The following COLEC12 variants were observed in gnomAD, a reference collection of about 807,000 sequenced individuals.
The protein encoded by COLEC12 is collectin-12.
COLEC12 carries 33 observed loss-of-function variants against 71.1 expected under a neutral mutation model. That is an observed-to-expected ratio of 0.46 (90% confidence interval 0.35 to 0.62). The LOEUF (loss-of-function observed/expected upper bound fraction) is 0.62, where lower values mean the gene tolerates loss of function less well. Among genes scored for constraint, COLEC12 ranks in the 20% least tolerant of loss-of-function variants. COLEC12 has a pLI of 0.00. For synonymous variants in COLEC12, 350 were observed against 353.0 expected (o/e 0.99, Z 0.10); for missense variants, 765 against 916.1 (o/e 0.84, Z 2.13).
chr18:326,661 C>G (rs577972), intron 8 of COLEC12, among the ~76,000 whole-genome samples: 43 of 152,294 alleles, frequency 2.8e-4, no homozygotes, highest in Admixed American at 7.8e-4. Context: ...ATAGTTTTGG[C>G]TTTTTTTTAA....
intron 5 of COLEC12, among the ~76,000 whole-genome samples, chr18:338,332 A>C (rs1201876740): frequency 6.6e-6 from 1 of 152,210 alleles, no homozygotes; most frequent in Non-Finnish European, 1.5e-5. Context: ...TATCAAATAC[A>C]TGCGCATCAT....
At chr18:485,119 T>C (rs1431761330) in intron 1 of COLEC12, among the ~76,000 whole-genome samples, 4 of 152,262 alleles carry the variant, frequency 2.6e-5, no homozygotes, top group Non-Finnish European at 5.9e-5. Context: ...TGTGCAATGC[T>C]ACATTCTGTC....
chr18:403,407 T>C (rs939222095), intron 2 of COLEC12, among the ~76,000 whole-genome samples: 1 of 152,210 alleles, frequency 6.6e-6, no homozygotes, highest in African/African-American at 2.4e-5. Flanking sequence ...AAGATTCTAA[T>C]GCCTAGAGTG....
intron 2 of COLEC12, among the ~76,000 whole-genome samples, chr18:430,263 G>A (rs9956314): frequency 0.18 from 28,056 of 151,812 alleles, 2,871 homozygotes; most frequent in Middle Eastern, 0.24. Flanking sequence ...GAACCTGGGA[G>A]GCAGAGGTTG....
chr18:397,736 C>A (rs1915600369), intron 2 of COLEC12, among the ~76,000 whole-genome samples: 1 of 152,150 alleles, frequency 6.6e-6, no homozygotes, highest in African/African-American at 2.4e-5. Context: ...TAGATAATAC[C>A]TCACTGATAA....
chr18:319,989 A>C lies in COLEC12; in HGVS notation c.*56T>G. ...TGAGAAGGTGATGCAATTAGAAAGG[A>C]GTGTCCTTTGCCTTTGAGAGCTGAA... On this transcript the variant is annotated 3_prime_UTR_variant, in exon 10 of 10. Transcript: ENST00000400256. 3.9e-6 allele frequency: 4 copies of C among 1,033,932 alleles called. No individual in the cohort carries two copies. Among genetic ancestry groups the C allele is most frequent in the East Asian group, 2.5e-5 (1 of 39,372 alleles). The allele number at this position is 1,033,932 out of a possible 1,614,324, so 64.0% of individuals were successfully genotyped here.
At chr18:442,758 G>A (rs774784761) in intron 2 of COLEC12, among the ~76,000 whole-genome samples, 15 of 152,326 alleles carry the variant, frequency 9.8e-5, no homozygotes, top group Non-Finnish European at 1.8e-4. Flanking sequence ...TAAGGAGATC[G>A]AGACCATCCT....
At chr18:447,047 T>A (rs539743535) in intron 2 of COLEC12, among the ~76,000 whole-genome samples, 1 of 152,364 alleles carries the variant, frequency 6.6e-6, no homozygotes, top group East Asian at 1.9e-4. Flanking sequence ...CTCTGGCTCC[T>A]GTGCTTGGAG....
At chr18:329,649 G>A (rs1356541598) in intron 8 of COLEC12, among the ~76,000 whole-genome samples, 1 of 152,226 alleles carries the variant, frequency 6.6e-6, no homozygotes, top group Admixed American at 6.5e-5. Context: ...AGGCGCAGAG[G>A]AGCCGACGAG....
Position 327,249 on chromosome 18 carries a change from AT to A in COLEC12, c.2063+4418del, listed in dbSNP as rs1255469977. ...TGGAAATAATTATAGGTTTATTATTATTTTTTTTAATGCTGAGATTTGCTGA... is the reference window on the plus strand; with the variant it reads ...TGGAAATAATTATAGGTTTATTATTATTTTTTTAATGCTGAGATTTGCTGA... On this transcript the variant is annotated intron_variant, in intron 8 of 9. Coordinates refer to ENST00000400256, the MANE Select transcript of COLEC12 (RefSeq NM_130386.3). The surrounding 1 kb of genome is among the most constrained non-coding windows in gnomAD (Gnocchi z 4.0). Among the ~76,000 whole-genome samples, 4 of 151,990 alleles carry A rather than the reference AT, an allele frequency of 2.6e-5. No individual in the cohort carries two copies. Among genetic ancestry groups the A allele is most frequent in the Admixed American group, 6.6e-5 (1 of 15,242 alleles).
intron 2 of COLEC12, among the ~76,000 whole-genome samples, chr18:455,601 G>C (rs536057775): frequency 1.3e-5 from 2 of 151,952 alleles, no homozygotes; most frequent in South Asian, 4.2e-4. Context: ...CTAGGTTTTA[G>C]GCCCTGCATG....
chr18:317,167 A>C lies in COLEC12; in HGVS notation c.*2878T>G, dbSNP rs1913567084. The C allele has an allele frequency of 2.0e-5, 3 of 152,280 alleles. No homozygotes were observed. The highest frequency in any genetic ancestry group is 2.0e-4 in the Admixed American group (3 of 15,282). The allele number at this position is 152,280 out of a possible 1,614,324, so 9.4% of individuals were successfully genotyped here. A position where few individuals can be genotyped will look rare whatever the true frequency, so the allele number is the denominator to read the frequency against. ...CTTGAACCTGGGAGGCAGAGATTGC[A>C]GTGAGCCGAGATCGCGCCACCGCAC... is the stretch of plus-strand genomic sequence containing the variant. On this transcript the variant is annotated 3_prime_UTR_variant, in exon 10 of 10. Transcript: ENST00000400256.
chr18:354,726 T>C (rs891065639), intron 3 of COLEC12, among the ~76,000 whole-genome samples: 3 of 152,012 alleles, frequency 2.0e-5, no homozygotes, highest in African/African-American at 7.3e-5. Flanking sequence ...AATGGTGTGT[T>C]TGGAAAGCAA....
intron 2 of COLEC12, among the ~76,000 whole-genome samples, chr18:475,069 C>T (rs1420972236): frequency 2.5e-5 from 3 of 121,648 alleles, no homozygotes; most frequent in Admixed American, 8.8e-5. Flanking sequence ...AGCTAAACTC[C>T]GTCTCAAAAA....
intron 2 of COLEC12, among the ~76,000 whole-genome samples, chr18:418,522 G>T (rs190056503): frequency 3.4e-4 from 52 of 152,344 alleles, no homozygotes; most frequent in African/African-American, 1.2e-3. Flanking sequence ...TGCATTCCCA[G>T]ATGGTTAAGG....
At chr18:493,367 C>T (rs1917652849) in intron 1 of COLEC12, among the ~76,000 whole-genome samples, 3 of 152,316 alleles carry the variant, frequency 2.0e-5, no homozygotes, top group African/African-American at 7.2e-5. Context: ...AGGCTCAGCC[C>T]TCCTCTCTTT....
At chr18:435,833 T>C (rs73944745) in intron 2 of COLEC12, among the ~76,000 whole-genome samples, 2,762 of 152,306 alleles carry the variant, frequency 0.018, 94 homozygotes, top group African/African-American at 0.063. Flanking sequence ...AACTATTATA[T>C]TGATGGGTCA....
At position 354,277 on chromosome 18, in the gene COLEC12, C is replaced by G. The variant is rs77790372; in HGVS notation, c.181+3123G>C. On this transcript the variant is annotated intron_variant, in intron 3 of 9. Transcript: ENST00000400256. ...AAGTGGCTGATACGCCTCACAGTCA[C>G]GACCACTGCACAGACCCTGTCTGGG... 1.9e-3 allele frequency among the ~76,000 whole-genome samples: 285 copies of G among 152,332 alleles called. 3 individuals carry two copies. The East Asian group carries it at 0.041, about 22-fold the overall frequency.
chr18:321,764 C>T lies in COLEC12; in HGVS notation c.2107G>A (p.Gly703Arg). The change falls in exon 9 of 10, where the codon GGG becomes AGG. Residue 703 changes from glycine to arginine, a missense_variant. Transcript: ENST00000400256. ...GQPDNWGHGH[G>R]PGEDCAGLIY... The stretch of plus-strand genomic sequence containing the variant: ...AACCCAGCACAGTCTTCTCCTGGCC[C>T]ATGGCCATGACCCCAGTTATCCGGC... 6.2e-7 allele frequency: 1 copy of T among 1,614,206 alleles called. No individual in the cohort carries two copies. Among genetic ancestry groups the T allele is most frequent in the African/African-American group, 1.3e-5 (1 of 75,076 alleles).
Sources: allele counts gnomAD v4.1 joint callset (sites outside exome capture counted in the v4.1 genomes callset), GRCh38; gene constraint gnomAD v4.1.1; non-coding constraint Gnocchi (gnomAD v3.1); transcripts MANE v1.5; gene names NCBI Gene and HGNC (gene_info 2026-07-23, HGNC 2026-07-21).